Variants in HDAC9 observed in about 807,000 individuals in gnomAD.
HDAC9 encodes the protein histone deacetylase 9.
In HDAC9, 41 loss-of-function variants were observed where a neutral mutation model predicts 139.4. That is an observed-to-expected ratio of 0.29 (90% confidence interval 0.23 to 0.38). The LOEUF (loss-of-function observed/expected upper bound fraction) is 0.38, where lower values mean the gene tolerates loss of function less well. Among genes scored for constraint, HDAC9 ranks in the 10% least tolerant of loss-of-function variants. HDAC9 has a pLI of 1.00. For missense variants in HDAC9, 1,147 were observed against 1,297.0 expected (o/e 0.88, Z 1.78); for synonymous variants, 517 against 476.2 (o/e 1.09, Z -1.12).
chr7:18,990,162 GT>G, intron 25 of HDAC9, among the ~76,000 whole-genome samples: 1 of 152,226 alleles, frequency 6.6e-6, no homozygotes, highest in South Asian at 2.1e-4. Flanking sequence ...TTTCTGCTCT[GT>G]TTTTTCCCCA....
At chr7:18,233,253 T>C (rs1793589783) in intron 2 of HDAC9, among the ~76,000 whole-genome samples, 1 of 152,128 alleles carries the variant, frequency 6.6e-6, no homozygotes, top group Admixed American at 6.5e-5. Context: ...TAATGAGATT[T>C]TTCTGCTTCT....
At chr7:18,139,913 G>A (rs994490740) in intron 1 of HDAC9, among the ~76,000 whole-genome samples, 5 of 152,138 alleles carry the variant, frequency 3.3e-5, no homozygotes, top group Non-Finnish European at 7.3e-5. Flanking sequence ...GAACAGCCCC[G>A]CCAACACCTT....
At chr7:18,089,123 A>C (rs1781982266) in intron 1 of HDAC9, among the ~76,000 whole-genome samples, 1 of 152,236 alleles carries the variant, frequency 6.6e-6, no homozygotes, top group African/African-American at 2.4e-5. Flanking sequence ...TTTACTACAA[A>C]ATGGACACGG....
chr7:18,696,646 T>G (rs537668572), intron 12 of HDAC9, among the ~76,000 whole-genome samples: 2 of 152,172 alleles, frequency 1.3e-5, no homozygotes, highest in East Asian at 3.9e-4. Flanking sequence ...TGTTTTGTGT[T>G]TTTAGTAGAG....
At chr7:18,307,574 G>T (rs147178427) in intron 1 of HDAC9, among the ~76,000 whole-genome samples, 46 of 152,200 alleles carry the variant, frequency 3.0e-4, no homozygotes, top group African/African-American at 9.6e-4. Flanking sequence ...AGTGTGAGGC[G>T]GGCAGATCAC....
At chr7:18,773,778 T>C (rs573112451) in intron 16 of HDAC9, among the ~76,000 whole-genome samples, 363 of 152,202 alleles carry the variant, frequency 2.4e-3, no homozygotes, top group African/African-American at 7.9e-3. Context: ...ACCTAAGCTT[T>C]TCATTTTAAG....
At chr7:18,286,134 A>G (rs118069591), upstream of HDAC9, among the ~76,000 whole-genome samples, 1 of 152,216 alleles carries the variant, frequency 6.6e-6, no homozygotes, top group East Asian at 1.9e-4. Context: ...TGAAATGAAT[A>G]AACTTGAACA....
chr7:18,162,435 A>G (rs1787694122), intron 2 of HDAC9: 3 of 1,280,514 alleles, frequency 2.3e-6, no homozygotes, highest in East Asian at 2.5e-5. Flanking sequence ...AATTTAATTT[A>G]TGAAGGAACT....
At chr7:18,701,615 C>A (rs143788258) in intron 12 of HDAC9, among the ~76,000 whole-genome samples, 2 of 152,272 alleles carry the variant, frequency 1.3e-5, no homozygotes, top group African/African-American at 4.8e-5. Flanking sequence ...TTTCAAAATT[C>A]TGTCTTTAAA....
At chr7:18,319,265 C>T (rs938188389) in intron 1 of HDAC9, among the ~76,000 whole-genome samples, 4 of 152,042 alleles carry the variant, frequency 2.6e-5, no homozygotes, top group Non-Finnish European at 5.9e-5. Flanking sequence ...CTTTCAAAAT[C>T]GCCTTTCAGA....
chr7:18,532,470 A>G (rs947137279), intron 2 of HDAC9, among the ~76,000 whole-genome samples: 2 of 152,236 alleles, frequency 1.3e-5, no homozygotes, highest in African/African-American at 4.8e-5. Context: ...AAATATACCA[A>G]TTCCAAAAAT....
chr7:18,686,938 C>A (rs1014013264), intron 12 of HDAC9, among the ~76,000 whole-genome samples: 9 of 151,710 alleles, frequency 5.9e-5, no homozygotes, highest in African/African-American at 2.2e-4. Context: ...TCCCGCCTGG[C>A]TCCAATAAGC....
chr7:18,277,914 T>TA (rs150139252), intron 2 of HDAC9, among the ~76,000 whole-genome samples: 181 of 152,274 alleles, frequency 1.2e-3, no homozygotes, highest in African/African-American at 4.2e-3. Context: ...GATCAAGTTT[T>TA]AAAAAAACTT....
chr7:18,405,617 G>A (rs1180691461), intron 1 of HDAC9, among the ~76,000 whole-genome samples: 1 of 151,836 alleles, frequency 6.6e-6, no homozygotes, highest in East Asian at 1.9e-4. Flanking sequence ...TGGAGATTGG[G>A]GCATAAGAAG....
intron 1 of HDAC9, among the ~76,000 whole-genome samples, chr7:18,423,060 A>G (rs1789794705): frequency 6.6e-6 from 1 of 152,218 alleles, no homozygotes; most frequent in South Asian, 2.1e-4. Flanking sequence ...GCACTTTACT[A>G]AAAATATAAC....
At chr7:18,179,948 C>G (rs890130108) in intron 2 of HDAC9, among the ~76,000 whole-genome samples, 8 of 152,090 alleles carry the variant, frequency 5.3e-5, no homozygotes, top group Admixed American at 2.0e-4. Context: ...TTGAATGTCA[C>G]AAAAATCTCA....
intron 1 of HDAC9, among the ~76,000 whole-genome samples, chr7:18,387,797 A>G (rs965386739): frequency 6.6e-6 from 1 of 152,200 alleles, no homozygotes; most frequent in Non-Finnish European, 1.5e-5. Flanking sequence ...ATGAATTCCA[A>G]TAGTGTGATG....
chr7:18,692,929 G>T (rs143963228), intron 12 of HDAC9, among the ~76,000 whole-genome samples: 1 of 151,930 alleles, frequency 6.6e-6, no homozygotes, highest in African/African-American at 2.4e-5. Context: ...TTCAGTAGCC[G>T]ATGATAAATA....
chr7:18,824,046 A>AGG, intron 17 of HDAC9, among the ~76,000 whole-genome samples: 1 of 129,428 alleles, frequency 7.7e-6, no homozygotes, highest in Non-Finnish European at 1.6e-5. Context: ...GAGGAAGAGG[A>AGG]AGAAGAAGAA....
Sources: allele counts gnomAD v4.1 joint callset (sites outside exome capture counted in the v4.1 genomes callset), GRCh38; gene constraint gnomAD v4.1.1; transcripts MANE v1.5; gene names NCBI Gene and HGNC (gene_info 2026-07-23, HGNC 2026-07-21).